The following ACOT11 variants were observed in gnomAD, a reference collection of about 807,000 sequenced individuals.
The protein encoded by ACOT11 is acyl-coenzyme A thioesterase 11.
ACOT11 carries 69 observed loss-of-function variants against 77.5 expected under a neutral mutation model. The observed-to-expected ratio is 0.89, with a 90% CI of 0.73 to 1.09. The LOEUF (loss-of-function observed/expected upper bound fraction) is 1.09, where lower values mean the gene tolerates loss of function less well. ACOT11 is among the 50% of genes least tolerant of loss of function. The pLI is 0.00. For synonymous variants in ACOT11, 279 were observed against 313.0 expected (o/e 0.89, Z 1.15); for missense variants, 766 against 813.7 (o/e 0.94, Z 0.71).
At position 54,610,078 on chromosome 1, in the gene ACOT11, G is replaced by A; in HGVS notation, c.*966G>A. On this transcript the variant is annotated 3_prime_UTR_variant, in exon 16 of 16. Transcript: ENST00000343744. ...CTCTGGAATCTGTCAACCCAGTTTT[G>A]GGCTCCAGGTGGATGGGTTGCTTTA... 1 of 1,437,138 alleles carries A rather than the reference G, an allele frequency of 7.0e-7. No individual in the cohort carries two copies. The highest frequency in any genetic ancestry group is 9.1e-7 in the Non-Finnish European group (1 of 1,100,778). The allele number at this position is 1,437,138 out of a possible 1,614,324, so 89.0% of individuals were successfully genotyped here.
chr1:54,561,493 T>C (rs946870852), intron 1 of ACOT11, among the ~76,000 whole-genome samples: 1 of 115,016 alleles, frequency 8.7e-6, no homozygotes, highest in African/African-American at 4.0e-5. Flanking sequence ...AAGTCTCCCA[T>C]GTCTACTTCT....
chr1:54,620,455 C>T (rs572613104), intron 15 of ACOT11, among the ~76,000 whole-genome samples: 1 of 152,300 alleles, frequency 6.6e-6, no homozygotes, highest in East Asian at 1.9e-4. Flanking sequence ...CCTGTAATCC[C>T]AGCACTTTGG....
chr1:54,563,329 G>A (rs964891739), intron 1 of ACOT11, among the ~76,000 whole-genome samples: 1 of 152,064 alleles, frequency 6.6e-6, no homozygotes, highest in Non-Finnish European at 1.5e-5. Context: ...AAATGGCTTT[G>A]GTATTGAGAA....
rs35047110 is a variant in ACOT11, at chr1:54,554,351, A to ATT, written c.33+6026_33+6027dup. On this transcript the variant is annotated intron_variant, in intron 1 of 15. Coordinates refer to ENST00000343744, the MANE Select transcript of ACOT11 (RefSeq NM_147161.4). ...TGTGTGTGTATATATATATATATAT[A>ATT]TTTTTTTTTTTTTTTTTTGAGATGG... is the stretch of plus-strand genomic sequence containing the variant. Among the ~76,000 whole-genome samples, 478 of 97,234 alleles carry ATT rather than the reference A, an allele frequency of 4.9e-3. 22 individuals carry two copies. The highest frequency in any genetic ancestry group is 0.018 in the African/African-American group (419 of 23,358). 63.8% of individuals were successfully genotyped at this position (97,234 alleles called of 152,430 possible). A position where few individuals can be genotyped will look rare whatever the true frequency, so the allele number is the denominator to read the frequency against.
At chr1:54,587,550 C>CTTTTTTT (rs33913350) in intron 3 of ACOT11, among the ~76,000 whole-genome samples, 4 of 73,542 alleles carry the variant, frequency 5.4e-5, no homozygotes, top group Non-Finnish European at 9.6e-5. Context: ...GTTTGTAATC[C>CTTTTTTT]TTTTTTTTTT....
downstream of ACOT11, chr1:54,612,823 G>T (rs1044286655): frequency 3.5e-5 from 26 of 748,398 alleles, no homozygotes; most frequent in Non-Finnish European, 5.3e-5. Context: ...CTATGATAAG[G>T]TCAGAAGCAG....
In ACOT11 at chr1:54,584,984, C is replaced by A; in HGVS notation, c.241+122C>A. ...CTTGTTTCTCATCTTGGCCTTTGCTCATGCTGGTCCCTTTGTCTGAAATGC... is the reference window on the plus strand; with the variant it reads ...CTTGTTTCTCATCTTGGCCTTTGCTAATGCTGGTCCCTTTGTCTGAAATGC... On this transcript the variant is annotated intron_variant, in intron 2 of 15. Coordinates refer to ENST00000343744, the MANE Select transcript of ACOT11 (RefSeq NM_147161.4). The surrounding 1 kb of genome is among the most constrained non-coding windows in gnomAD (Gnocchi z 6.3). 1.9e-6 allele frequency: 2 copies of A among 1,076,682 alleles called. No homozygotes were observed. Among genetic ancestry groups the A allele is most frequent in the South Asian group, 1.6e-5 (1 of 63,378 alleles). The allele number at this position is 1,076,682 out of a possible 1,614,324, so 66.7% of individuals were successfully genotyped here. A position where few individuals can be genotyped will look rare whatever the true frequency, so the allele number is the denominator to read the frequency against.
intron 1 of ACOT11, among the ~76,000 whole-genome samples, chr1:54,556,587 GT>G (rs202144291): frequency 2.5e-4 from 36 of 145,996 alleles, no homozygotes; most frequent in Non-Finnish European, 2.7e-4. Flanking sequence ...TCATTGTAGA[GT>G]TTTTTTTTTT....
chr1:54,635,085 G>A, exon 17 of ACOT11: 1 of 302,686 alleles, frequency 3.3e-6, no homozygotes, highest in African/African-American at 2.2e-5. Context: ...TAATAAATCG[G>A]CTCCTATAAT....
chr1:54,616,281 T>C, intron 15 of ACOT11: 1 of 981,516 alleles, frequency 1.0e-6, no homozygotes, highest in South Asian at 1.7e-5. Flanking sequence ...TACAGAAAAG[T>C]GGAAGAGGAA....
At chr1:54,617,456 T>C (rs1230252884) in intron 15 of ACOT11, among the ~76,000 whole-genome samples, 1 of 137,814 alleles carries the variant, frequency 7.3e-6, no homozygotes, top group African/African-American at 2.9e-5. Flanking sequence ...CATGTCACTT[T>C]CTGTTAAAAA....
chr1:54,603,770 G>T, intron 10 of ACOT11, 101 bp from the exon 11 acceptor site: 1 of 1,128,126 alleles, frequency 8.9e-7, no homozygotes. Flanking sequence ...CCATTCTGCC[G>T]GGCTCAGCAC....
intron 1 of ACOT11, among the ~76,000 whole-genome samples, chr1:54,583,159 A>G (rs1413039751): frequency 6.6e-6 from 1 of 152,058 alleles, no homozygotes; most frequent in Non-Finnish European, 1.5e-5. Context: ...GCAGCCTGGC[A>G]CCCTGCAGGC....
At chr1:54,564,271 G>GA (rs1180067921) in intron 1 of ACOT11, among the ~76,000 whole-genome samples, 1 of 152,028 alleles carries the variant, frequency 6.6e-6, no homozygotes, top group African/African-American at 2.4e-5. Context: ...AATAAAAAAA[G>GA]AAAAAAAGAA....
intron 7 of ACOT11, chr1:54,597,737 A>G (rs1262281523): frequency 1.6e-5 from 5 of 322,538 alleles, no homozygotes; most frequent in Non-Finnish European, 5.8e-6. Context: ...CTTCACATCA[A>G]ACCATTTGCT....
rs1175111433 is a variant in ACOT11 at position 54,609,939 on chromosome 1, T to A, written c.*827T>A. On this transcript the variant is annotated 3_prime_UTR_variant, in exon 16 of 16. Coordinates refer to ENST00000343744, the MANE Select transcript of ACOT11 (RefSeq NM_147161.4). The stretch of plus-strand genomic sequence containing the variant: ...GTGTTCAGCAGGATCATGCCTTCTG[T>A]GTCTGGAAGAGGCGGCAGAGGCAAC... 4 of 1,602,052 alleles carry A rather than the reference T, an allele frequency of 2.5e-6. No individual in the cohort carries two copies. Among genetic ancestry groups the A allele is most frequent in the Non-Finnish European group, 3.4e-6 (4 of 1,177,266 alleles).
chr1:54,617,190 T>TAGGG (rs1364219000), intron 15 of ACOT11, among the ~76,000 whole-genome samples: 2 of 152,118 alleles, frequency 1.3e-5, no homozygotes, highest in Non-Finnish European at 2.9e-5. Context: ...TTCAGTCTAG[T>TAGGG]AGGGAGCTCA....
chr1:54,596,188 C>T (rs1654891794), intron 6 of ACOT11, among the ~76,000 whole-genome samples: 1 of 152,050 alleles, frequency 6.6e-6, no homozygotes, highest in African/African-American at 2.4e-5. Flanking sequence ...TGTTAAGCCA[C>T]AGGCCCCATT....
chr1:54,570,946 G>A (rs1653910311), intron 1 of ACOT11, among the ~76,000 whole-genome samples: 1 of 152,132 alleles, frequency 6.6e-6, no homozygotes, highest in East Asian at 1.9e-4. Context: ...GCCTCCCAAA[G>A]TGCTGGGATT....
Sources: gnomAD v4.1 joint callset for allele counts (sites outside exome capture counted in the v4.1 genomes callset) on GRCh38, gnomAD v4.1.1 for gene constraint, Gnocchi (gnomAD v3.1) non-coding constraint, MANE v1.5 for transcripts, NCBI Gene and HGNC (gene_info 2026-07-23, HGNC 2026-07-21) for gene names.